The following SLC14A2 variants were observed in gnomAD, a reference collection of about 807,000 sequenced individuals.
SLC14A2 encodes solute carrier family 14 member 2.
Under a neutral mutation model 104.6 loss-of-function variants are expected in SLC14A2, and 91 were observed. The observed-to-expected ratio is 0.87, with a 90% CI of 0.73 to 1.04. The LOEUF is 1.04. Ranked by LOEUF, SLC14A2 falls within the 50% of genes least tolerant of loss-of-function variation. The pLI, the probability that SLC14A2 is intolerant of heterozygous loss-of-function variation, is 0.00. For synonymous variants in SLC14A2, 476 were observed against 466.4 expected, an observed-to-expected ratio of 1.02 and a Z score of -0.27; for missense variants, 1,189 against 1,156.0, an observed-to-expected ratio of 1.03 and a Z score of -0.41.
At chr18:45,506,665 G>A (rs768814793) in intron 2 of SLC14A2, among the ~76,000 whole-genome samples, 2 of 152,174 alleles carry the variant, frequency 1.3e-5, no homozygotes, top group Non-Finnish European at 2.9e-5. Context: ...GTCAGAAGTG[G>A]CCAGAAAATT....
intron 1 of SLC14A2, among the ~76,000 whole-genome samples, chr18:45,435,004 T>C (rs1403403288): frequency 6.6e-6 from 1 of 152,232 alleles, no homozygotes; most frequent in Admixed American, 6.5e-5. Context: ...TATGGTAATG[T>C]AATTATGCTA....
At chr18:45,346,830 CG>C (rs2085452976) in intron 1 of SLC14A2, among the ~76,000 whole-genome samples, 1 of 151,846 alleles carries the variant, frequency 6.6e-6, no homozygotes, top group Non-Finnish European at 1.5e-5. Flanking sequence ...GGCGTGGTGG[CG>C]GGCACCTGTA....
chr18:45,600,137 A>G (rs926693551), intron 2 of SLC14A2, among the ~76,000 whole-genome samples: 4 of 152,226 alleles, frequency 2.6e-5, no homozygotes, highest in Non-Finnish European at 5.9e-5. Flanking sequence ...CGCTTGTTAA[A>G]AAAGCAGAGA....
chr18:45,363,831 G>A (rs1478856830), intron 1 of SLC14A2, among the ~76,000 whole-genome samples: 1 of 150,736 alleles, frequency 6.6e-6, no homozygotes, highest in Non-Finnish European at 1.5e-5. Flanking sequence ...TCACGCTGGG[G>A]ATGGGGGAAA....
chr18:45,594,371 G>T (rs925451560), intron 2 of SLC14A2, among the ~76,000 whole-genome samples: 5 of 152,162 alleles, frequency 3.3e-5, no homozygotes, highest in African/African-American at 1.2e-4. Flanking sequence ...ATGGAGTCTG[G>T]GGAAAGCAGA....
chr18:45,360,342 AG>A (rs1325009352), intron 1 of SLC14A2, among the ~76,000 whole-genome samples: 2 of 152,208 alleles, frequency 1.3e-5, no homozygotes, highest in Non-Finnish European at 2.9e-5. Context: ...AAGAGACTCA[AG>A]GGTCTTCTAT....
chr18:45,548,901 G>A (rs1165336031), intron 2 of SLC14A2, among the ~76,000 whole-genome samples: 2 of 152,162 alleles, frequency 1.3e-5, no homozygotes, highest in African/African-American at 2.4e-5. Context: ...GTAGGACTGT[G>A]GGGACAGGAC....
chr18:45,186,469 C>A, the SLC14A2 span, among the ~76,000 whole-genome samples: 1 of 152,146 alleles, frequency 6.6e-6, no homozygotes, highest in African/African-American at 2.4e-5. Flanking sequence ...AATGTAAAAC[C>A]TGAACTATAA....
intron 1 of SLC14A2, among the ~76,000 whole-genome samples, chr18:45,223,874 C>T (rs2084088017): frequency 6.6e-6 from 1 of 152,146 alleles, no homozygotes; most frequent in African/African-American, 2.4e-5. Context: ...GAAACAGGCC[C>T]TTTGTGAGGT....
chr18:45,569,700 A>G (rs1009858710), intron 2 of SLC14A2, among the ~76,000 whole-genome samples: 1 of 152,222 alleles, frequency 6.6e-6, no homozygotes, highest in Non-Finnish European at 1.5e-5. Context: ...ATTATGGCAA[A>G]GTTAGCTGGC....
intron 1 of SLC14A2, among the ~76,000 whole-genome samples, chr18:45,281,894 G>T (rs989774670): frequency 6.6e-6 from 1 of 152,278 alleles, no homozygotes. Context: ...GAGCTCAGTG[G>T]CTCAGTCTCT....
chr18:45,321,682 G>T (rs1049214380), intron 1 of SLC14A2, among the ~76,000 whole-genome samples: 5 of 152,218 alleles, frequency 3.3e-5, no homozygotes, highest in Admixed American at 2.0e-4. Flanking sequence ...GAGTCCGGGG[G>T]ATGCTGTGTG....
chr18:45,364,536 G>A (rs1033787773), intron 1 of SLC14A2, among the ~76,000 whole-genome samples: 1 of 152,218 alleles, frequency 6.6e-6, no homozygotes, highest in South Asian at 2.1e-4. Context: ...GTATACATAT[G>A]TGCATGTATA....
At position 45,663,812 on chromosome 18, in the gene SLC14A2, C is replaced by T; in HGVS notation, c.1379C>T (p.Ala460Val). ...SGGGGEHPPT[A>V]GPKVEEGSEA... ...GGCGGTGGGGAGCATCCACCCACAG[C>T]AGGCCCAAAGGTGGAGGAGGGCTCG... The change falls in exon 11 of 20, where the codon GCA becomes GTA. Residue 460 changes from alanine to valine, a missense_variant. Transcript: ENST00000255226. The T allele has an allele frequency of 6.2e-7, 1 of 1,612,990 alleles. No individual in the cohort carries two copies.
chr18:45,417,050 A>G (rs1182986018), intron 1 of SLC14A2, among the ~76,000 whole-genome samples: 2 of 152,200 alleles, frequency 1.3e-5, no homozygotes, highest in Non-Finnish European at 2.9e-5. Flanking sequence ...ATTACATCAC[A>G]AGGATACAGC....
the SLC14A2 span, among the ~76,000 whole-genome samples, chr18:45,169,505 A>G: frequency 6.6e-6 from 1 of 152,156 alleles, no homozygotes; most frequent in Non-Finnish European, 1.5e-5. Context: ...TGTTACCTCC[A>G]GAGATTTTGG....
chr18:45,178,464 G>A, the SLC14A2 span, among the ~76,000 whole-genome samples: 1 of 152,098 alleles, frequency 6.6e-6, no homozygotes. Context: ...TAATAAGCCA[G>A]TAATTTAGAG....
intron 2 of SLC14A2, among the ~76,000 whole-genome samples, chr18:45,509,996 C>G (rs979874455): frequency 1.3e-5 from 2 of 152,132 alleles, no homozygotes; most frequent in African/African-American, 4.8e-5. Flanking sequence ...CATAATCCTA[C>G]CCCCTGTTAG....
chr18:45,609,685 G>A (rs2044938671), intron 2 of SLC14A2, among the ~76,000 whole-genome samples: 1 of 152,194 alleles, frequency 6.6e-6, no homozygotes, highest in African/African-American at 2.4e-5. Flanking sequence ...TCTCTTGTGT[G>A]AGTTTACAAA....
Sources: allele counts gnomAD v4.1 joint callset (sites outside exome capture counted in the v4.1 genomes callset), GRCh38; gene constraint gnomAD v4.1.1; transcripts MANE v1.5; gene names NCBI Gene and HGNC (gene_info 2026-07-23, HGNC 2026-07-21).